CAD: variants seen among roughly 807,000 people sequenced by gnomAD.
The protein encoded by CAD is multifunctional protein CAD.
Under a neutral mutation model 237.2 loss-of-function variants are expected in CAD, and 81 were observed. That is an observed-to-expected ratio of 0.34 (90% CI 0.29 to 0.41). The LOEUF is 0.41. CAD is among the 10% of genes least tolerant of loss of function. The pLI, the probability that CAD is intolerant of heterozygous loss-of-function variation, is 1.00. For synonymous variants in CAD, 1,196 were observed against 1,162.8 expected (o/e 1.03, Z -0.58); for missense variants, 2,181 against 2,951.7 (o/e 0.74, Z 6.05).
chr2:27,240,515 G>C lies in CAD; in HGVS notation c.5593+154G>C, dbSNP rs1015460169. ...TCCTTTGCCTAAACAAGTCTCCCCG[G>C]TGTGAGTAGACATCTCACAGCTTCT... On this transcript the variant is annotated intron_variant, in intron 35 of 43. Coordinates refer to ENST00000264705, the MANE Select transcript of CAD (RefSeq NM_004341.5). This position sits in a 1 kb window ranked among gnomAD's most constrained non-coding sequence, Gnocchi z 4.6. 1.3e-6 allele frequency: 2 copies of C among 1,521,054 alleles called. No homozygotes were observed. Among genetic ancestry groups the C allele is most frequent in the Admixed American group, 2.0e-5 (1 of 51,158 alleles). The allele number at this position is 1,521,054 out of a possible 1,614,324, so 94.2% of individuals were successfully genotyped here.
At chr2:27,226,047 C>T in intron 12 of CAD, 84 bp from the exon 13 acceptor site, 1 of 1,498,488 alleles carries the variant, frequency 6.7e-7, no homozygotes, top group Non-Finnish European at 9.3e-7. Flanking sequence ...GGTGCAGCCC[C>T]AGAGGTAACA....
chr2:27,226,848 G>T lies in CAD; in HGVS notation c.2173G>T (p.Gly725Cys), dbSNP rs749438263. 8.1e-6 allele frequency: 13 copies of T among 1,614,068 alleles called. No individual in the cohort carries two copies. The South Asian group carries it at 1.3e-4, about 16-fold the overall frequency. The change falls in exon 15 of 44, where the codon GGT (glycine) becomes TGT (cysteine). Residue 725 changes from glycine to cysteine, a missense_variant. Gly to Cys is a radical substitution (Grantham distance 159). Around this residue, in one of 12 missense-constraint regions of CAD, gnomAD observed 385 missense variants for 535.1 expected, o/e 0.72. Transcript: ENST00000264705. ...LPELRNSVTG[G>C]TAAFEPSVDY... ...GGACCCCAGGAACTCTGTGACAGGG[G>T]GTACAGCAGCCTTTGAACCCAGCGT...
In CAD at chr2:27,236,690, C is replaced by G; in HGVS notation, c.4315-59C>G. The stretch of plus-strand genomic sequence containing the variant: ...AGCCTGGTTTATGGGAAAACCACAT[C>G]TCTCCCTACAACTCCCAGGATCACC... On this transcript the variant is annotated intron_variant, in intron 26 of 43. Coordinates refer to ENST00000264705, the MANE Select transcript of CAD (RefSeq NM_004341.5). This position sits in a 1 kb window ranked among gnomAD's most constrained non-coding sequence, Gnocchi z 4.1. 1 of 1,574,214 alleles carries G rather than the reference C, an allele frequency of 6.4e-7. No homozygotes were observed. Among genetic ancestry groups the G allele is most frequent in the Non-Finnish European group, 8.7e-7 (1 of 1,143,928 alleles).
chr2:27,240,855 G>A lies in CAD; in HGVS notation c.5594-56G>A, dbSNP rs1676282389. 5.1e-6 allele frequency: 8 copies of A among 1,580,664 alleles called. No individual in the cohort carries two copies. The highest frequency in any genetic ancestry group is 1.7e-4 in the Middle Eastern group (1 of 5,980). ...GATTCAGAGTTCCTGGGAATATGGG[G>A]TTTCTTTCCAAACCTCAGCCATAAA... On this transcript the variant is annotated intron_variant, in intron 35 of 43. Transcript: ENST00000264705. The surrounding 1 kb of genome is among the most constrained non-coding windows in gnomAD (Gnocchi z 4.6).
At chr2:27,217,764 C>T in intron 1 of CAD, 113 bp from the exon 2 acceptor site, 1 of 1,450,490 alleles carries the variant, frequency 6.9e-7, no homozygotes, top group Non-Finnish European at 9.3e-7. Flanking sequence ...CCCATGGGCC[C>T]CAGCGCCATA....
chr2:27,234,461 T>C (rs1572442353), intron 22 of CAD, 57 bp from the exon 23 acceptor site: 2 of 1,531,338 alleles, frequency 1.3e-6, no homozygotes, highest in Middle Eastern at 4.1e-4. Context: ...TCTAGGCCTA[T>C]AGATAGTGTC....
intron 23 of CAD, 96 bp downstream of exon 23, chr2:27,234,781 TGCAA>T: frequency 8.6e-7 from 1 of 1,167,670 alleles, no homozygotes; most frequent in Non-Finnish European, 1.2e-6. Flanking sequence ...AGGCACTGAC[TGCAA>T]GGCATTGCCG....
At position 27,240,612 on chromosome 2, in the gene CAD, C is replaced by G. The variant is rs115735663; in HGVS notation, c.5593+251C>G. ...GCTGGGATCCCACGGGGCAGCAGAG[C>G]GTGGGGTAAATCCAGGTTGTTGGTT... is the stretch of plus-strand genomic sequence containing the variant. On this transcript the variant is annotated intron_variant, in intron 35 of 43. Coordinates refer to ENST00000264705, the MANE Select transcript of CAD (RefSeq NM_004341.5). This position sits in a 1 kb window ranked among gnomAD's most constrained non-coding sequence, Gnocchi z 4.6. The G allele has an allele frequency of 6.5e-7, 1 of 1,543,656 alleles. No homozygotes were observed. The highest frequency in any genetic ancestry group is 1.7e-4 in the Middle Eastern group (1 of 5,938).
chr2:27,226,227 C>G lies in CAD; in HGVS notation c.1939C>G (p.Leu647Val). 1 of 1,614,124 alleles carries G rather than the reference C, an allele frequency of 6.2e-7. No homozygotes were observed. Among genetic ancestry groups the G allele is most frequent in the Non-Finnish European group, 8.5e-7 (1 of 1,179,946 alleles). ...GACACTGAATGACAGGGAGTATCAG[C>G]TCCTGAGGCAGACAGCTATCAAGGT... ...SQTLNDREYQ[L>V]LRQTAIKVTQ... Residue 647 changes from leucine to valine, a missense_variant, in exon 13 of 44, where the codon CTC (leucine) becomes GTC (valine). Transcript: ENST00000264705.
At chr2:27,221,874 A>G (rs956714641) in intron 3 of CAD, among the ~76,000 whole-genome samples, 4 of 139,916 alleles carry the variant, frequency 2.9e-5, no homozygotes, top group Non-Finnish European at 4.6e-5. Context: ...ATTTGAAAAC[A>G]GGTCATTTTT....
rs1675289342 is a variant in CAD at position 27,223,617 on chromosome 2, C to T, written c.864C>T (p.Cys288=). 6.2e-7 allele frequency: 1 copy of T among 1,613,816 alleles called. No homozygotes were observed. The highest frequency in any genetic ancestry group is 8.5e-7 in the Non-Finnish European group (1 of 1,180,042). The change falls in exon 7 of 44, where the codon TGC becomes TGT. Residue 288 remains cysteine (C), a synonymous_variant. Coordinates refer to ENST00000264705, the MANE Select transcript of CAD (RefSeq NM_004341.5). ...QPCLLVGSGR[C]FLTSQNHGFA... is the part of the protein sequence containing the mutation. Reference sequence around the variant, plus strand: ...GCTTGTTGGTGGGCTCTGGGCGCTGCTTTCTGACATCCCAGAACCATGGGT... The same window carrying T: ...GCTTGTTGGTGGGCTCTGGGCGCTGTTTTCTGACATCCCAGAACCATGGGT...
At position 27,223,543 on chromosome 2, in the gene CAD, C is replaced by T. The variant is rs976184515; in HGVS notation, c.810-20C>T. ...GAGAGGGTGAGCAGGGCCTGTGACTCGGCATGCTTCTACCTCCAGATATGG... is the reference window on the plus strand; with the variant it reads ...GAGAGGGTGAGCAGGGCCTGTGACTTGGCATGCTTCTACCTCCAGATATGG... On this transcript the variant is annotated intron_variant, in intron 6 of 43. Coordinates refer to ENST00000264705, the MANE Select transcript of CAD (RefSeq NM_004341.5). 9.3e-6 allele frequency: 15 copies of T among 1,609,382 alleles called. No homozygotes were observed. The highest frequency in any genetic ancestry group is 4.0e-5 in the African/African-American group (3 of 74,796).
In CAD at chr2:27,233,489, A is replaced by G; in HGVS notation, c.3169A>G (p.Thr1057Ala). Residue 1057 changes from threonine (T) to alanine (A), a missense_variant, in exon 20 of 44, where the codon ACC (threonine) becomes GCC (alanine). By Grantham distance (58) the Thr-to-Ala change is moderately conservative. This residue lies in a region of CAD where 306 missense variants were observed against 607.9 expected (regional missense o/e 0.50). Coordinates refer to ENST00000264705, the MANE Select transcript of CAD (RefSeq NM_004341.5). The surrounding 1 kb of genome is among the most constrained non-coding windows in gnomAD (Gnocchi z 6.3). ...NRFKFSRLLD[T>A]IGISQPQWRE... is the part of the protein sequence containing the mutation. Reference sequence around the variant, plus strand: ...TTTCAAGTTTTCCCGGCTCCTTGACACCATTGGTATCAGCCAGCCTCAGTG... The same window carrying G: ...TTTCAAGTTTTCCCGGCTCCTTGACGCCATTGGTATCAGCCAGCCTCAGTG... The G allele has an allele frequency of 6.2e-7, 1 of 1,614,144 alleles. No individual in the cohort carries two copies.
chr2:27,222,419 A>G lies in CAD; in HGVS notation c.495+83A>G, dbSNP rs1675217743. 5 of 1,581,948 alleles carry G rather than the reference A, an allele frequency of 3.2e-6. No individual in the cohort carries two copies. The South Asian group carries it at 5.7e-5, about 18-fold the overall frequency. On this transcript the variant is annotated intron_variant, in intron 4 of 43. Transcript: ENST00000264705. ...CACAATTGGGGGGTGAACACAGGAG[A>G]GAATCAAAGGAGGCTTTGAAGGTAG...
rs973879219 is a variant in CAD at position 27,241,835 on chromosome 2, G to T, written c.5884-76G>T. 8 of 1,186,156 alleles carry T rather than the reference G, an allele frequency of 6.7e-6. No homozygotes were observed. The highest frequency in any genetic ancestry group is 9.9e-6 in the Non-Finnish European group (8 of 811,062). The allele number at this position is 1,186,156 out of a possible 1,614,324, so 73.5% of individuals were successfully genotyped here. On this transcript the variant is annotated intron_variant, in intron 38 of 43. Coordinates refer to ENST00000264705, the MANE Select transcript of CAD (RefSeq NM_004341.5). The surrounding 1 kb of genome is among the most constrained non-coding windows in gnomAD (Gnocchi z 4.6). Reference sequence around the variant, plus strand: ...TCACAGCACCCCTCAAGTGTCAGTTGGGGTGGTGGTGCCTAGCTGGGGTTT... The same window carrying T: ...TCACAGCACCCCTCAAGTGTCAGTTTGGGTGGTGGTGCCTAGCTGGGGTTT...
intron 6 of CAD, 79 bp downstream of exon 6, chr2:27,223,116 G>T (rs993493353): frequency 6.3e-6 from 9 of 1,436,072 alleles, no homozygotes; most frequent in Non-Finnish European, 8.7e-6. Context: ...AAGAGAGTTG[G>T]TGTTTATTCG....
rs1167065901 is a variant in CAD at position 27,241,757 on chromosome 2, G to A, written c.5884-154G>A. ...TTAGCTCAGAGTGACACCAGTGGTGGAAACGTCAAGGCTCTGACAGGTCAC... is the reference window on the plus strand; with the variant it reads ...TTAGCTCAGAGTGACACCAGTGGTGAAAACGTCAAGGCTCTGACAGGTCAC... On this transcript the variant is annotated intron_variant, in intron 38 of 43. Coordinates refer to ENST00000264705, the MANE Select transcript of CAD (RefSeq NM_004341.5). This position sits in a 1 kb window ranked among gnomAD's most constrained non-coding sequence, Gnocchi z 4.6. Among the ~76,000 whole-genome samples, 1 of 152,210 alleles carries A rather than the reference G, an allele frequency of 6.6e-6. No individual in the cohort carries two copies. The highest frequency in any genetic ancestry group is 1.5e-5 in the Non-Finnish European group (1 of 68,032).
rs747792269 is a variant in CAD at position 27,236,337 on chromosome 2, A to C, written c.4128A>C (p.Pro1376=). 6.2e-7 allele frequency: 1 copy of C among 1,614,180 alleles called. No individual in the cohort carries two copies. Among genetic ancestry groups the C allele is most frequent in the Non-Finnish European group, 8.5e-7 (1 of 1,180,022 alleles). Residue 1376 remains proline (P), a synonymous_variant, in exon 26 of 44, where the codon CCA becomes CCC. Transcript: ENST00000264705. This position sits in a 1 kb window ranked among gnomAD's most constrained non-coding sequence, Gnocchi z 4.1. The part of the protein sequence containing the change: ...FEEAVDGECP[P]QRSILEQLAE... The stretch of plus-strand genomic sequence containing the variant: ...AGGCTGTGGATGGTGAGTGCCCACC[A>C]CAGCGGAGCATCCTGGAGCAGCTAG...
rs1558543737 is a variant in CAD, at chr2:27,239,596, G to T, written c.5395-101G>T. On this transcript the variant is annotated intron_variant, in intron 33 of 43. Transcript: ENST00000264705. This position sits in a 1 kb window ranked among gnomAD's most constrained non-coding sequence, Gnocchi z 4.0. The stretch of plus-strand genomic sequence containing the variant: ...CACTGCCCTGGACCAGGGGTTGGGG[G>T]CACAGCTCCCCCAAGGTGCTTTTTG... The T allele has an allele frequency of 1.3e-6, 2 of 1,495,044 alleles. No homozygotes were observed. Among genetic ancestry groups the T allele is most frequent in the African/African-American group, 2.8e-5 (2 of 72,488 alleles). The allele number at this position is 1,495,044 out of a possible 1,614,324, so 92.6% of individuals were successfully genotyped here. A position where few individuals can be genotyped will look rare whatever the true frequency, so the allele number is the denominator to read the frequency against.
Sources: allele counts gnomAD v4.1 joint callset (sites outside exome capture counted in the v4.1 genomes callset), GRCh38; gene constraint gnomAD v4.1.1; regional missense constraint gnomAD v4.1.1; non-coding constraint Gnocchi (gnomAD v3.1); transcripts MANE v1.5; gene names NCBI Gene and HGNC (gene_info 2026-07-23, HGNC 2026-07-21).